The following TARS1 variants were observed in gnomAD, a reference collection of about 807,000 sequenced individuals.
TARS1 encodes the protein threonyl-tRNA synthetase 1.
A neutral mutation model predicts 97.7 loss-of-function variants in TARS1; 57 were observed. That is an observed-to-expected ratio of 0.58 (90% CI 0.47 to 0.73). TARS1 has a LOEUF of 0.73. Among genes scored for constraint, TARS1 ranks in the 30% least tolerant of loss-of-function variants. The pLI is 0.00. For missense variants in TARS1, 806 were observed against 888.3 expected (o/e 0.91, Z 1.18); for synonymous variants, 312 against 293.7 (o/e 1.06, Z -0.64).
rs747172275 is a variant in TARS1, at chr5:33,441,074, T to G, written c.-13T>G. 3.7e-6 allele frequency: 6 copies of G among 1,614,212 alleles called. No homozygotes were observed. Among genetic ancestry groups the G allele is most frequent in the Non-Finnish European group, 5.1e-6 (6 of 1,180,034 alleles). On this transcript the variant is annotated 5_prime_UTR_variant, in exon 1 of 19. Coordinates refer to ENST00000265112, the MANE Select transcript of TARS1 (RefSeq NM_152295.5). The stretch of plus-strand genomic sequence containing the variant: ...GTCGCTTTCGGGTTCTCTCATCGCT[T>G]CGTCGTTCGCCAATGTTTGAGGAGA...
Position 33,466,855 on chromosome 5 carries a change from A to G in TARS1, c.1909-16A>G. 1.9e-6 allele frequency: 3 copies of G among 1,556,768 alleles called. No individual in the cohort carries two copies. Among genetic ancestry groups the G allele is most frequent in the Admixed American group, 1.8e-5 (1 of 55,072 alleles). On this transcript the variant is annotated splice_polypyrimidine_tract_variant and intron_variant, in intron 17 of 18. Coordinates refer to ENST00000265112, the MANE Select transcript of TARS1 (RefSeq NM_152295.5). ...TGATTTTAGATCTGACAAATTCTGT[A>G]TCTCTGTTACAATAGGTACGACAAC...
chr5:33,446,246 T>C (rs1741407732), intron 2 of TARS1: 1 of 197,670 alleles, frequency 5.1e-6, no homozygotes, highest in African/African-American at 2.3e-5. Flanking sequence ...GATGATCAAG[T>C]GTAGTGTTGC....
At chr5:33,443,294 T>C (rs1050276913) in intron 1 of TARS1, among the ~76,000 whole-genome samples, 45 of 143,524 alleles carry the variant, frequency 3.1e-4, no homozygotes, top group Admixed American at 7.9e-4. Flanking sequence ...CAGAAAACCT[T>C]TGTGGTGATT....
intron 17 of TARS1, among the ~76,000 whole-genome samples, chr5:33,464,429 A>T (rs1350053721): frequency 1.3e-5 from 2 of 152,148 alleles, no homozygotes; most frequent in Non-Finnish European, 2.9e-5. Flanking sequence ...CCTCTCTACC[A>T]AAAAAACTAA....
At chr5:33,452,770 C>T (rs1579581908) in intron 3 of TARS1, among the ~76,000 whole-genome samples, 2 of 98,922 alleles carry the variant, frequency 2.0e-5, no homozygotes, top group African/African-American at 1.1e-4. Context: ...ATTTAGTAGG[C>T]CTTTTTTTTT....
intron 2 of TARS1, among the ~76,000 whole-genome samples, chr5:33,447,634 CGTT>C (rs3842066): frequency 0.21 from 32,646 of 151,986 alleles, 3,822 homozygotes; most frequent in East Asian, 0.5. Context: ...TGTATGGAGA[CGTT>C]GGTAGCATTA....
intron 3 of TARS1, 96 bp downstream of exon 3, chr5:33,448,827 G>T: frequency 9.7e-7 from 1 of 1,033,372 alleles, no homozygotes; most frequent in South Asian, 2.7e-5. Flanking sequence ...ATATTTTTAT[G>T]TTACCATTCA....
At chr5:33,467,455 A>C in intron 18 of TARS1, 105 bp from the exon 19 acceptor site, 7 of 1,255,284 alleles carry the variant, frequency 5.6e-6, no homozygotes, top group Non-Finnish European at 6.5e-6. Context: ...ATCAGAAGCT[A>C]TGGGGTAGGT....
At chr5:33,456,762 G>A (rs1166932394) in intron 8 of TARS1, among the ~76,000 whole-genome samples, 1 of 152,064 alleles carries the variant, frequency 6.6e-6, no homozygotes, top group Non-Finnish European at 1.5e-5. Flanking sequence ...GTATTGAGGG[G>A]TGGGCAGTTT....
chr5:33,464,136 C>CT (rs1742424056), intron 17 of TARS1, among the ~76,000 whole-genome samples: 1 of 152,202 alleles, frequency 6.6e-6, no homozygotes, highest in African/African-American at 2.4e-5. Context: ...ACTGTAACCT[C>CT]AAACTCCTGG....
At chr5:33,464,298 C>A (rs1488850038) in intron 17 of TARS1, among the ~76,000 whole-genome samples, 1 of 152,218 alleles carries the variant, frequency 6.6e-6, no homozygotes, top group African/African-American at 2.4e-5. Flanking sequence ...GGTAAATTCC[C>A]GTTCAAAATA....
intron 8 of TARS1, 57 bp from the exon 9 acceptor site, chr5:33,457,200 A>G (rs1396997877): frequency 3.0e-5 from 47 of 1,586,948 alleles, no homozygotes; most frequent in Non-Finnish European, 4.0e-5. Flanking sequence ...TGGGAGTTAA[A>G]ATAAGTGAGA....
intron 4 of TARS1, among the ~76,000 whole-genome samples, chr5:33,454,450 C>T (rs1018294819): frequency 6.6e-6 from 1 of 152,094 alleles, no homozygotes; most frequent in Non-Finnish European, 1.5e-5. Context: ...GATGTTTGTC[C>T]TCGTGTTTTG....
In TARS1 at chr5:33,462,135, T is replaced by C; in HGVS notation, c.1767T>C (p.Val589=). 1 of 1,613,274 alleles carries C rather than the reference T, an allele frequency of 6.2e-7. No homozygotes were observed. The highest frequency in any genetic ancestry group is 1.1e-5 in the South Asian group (1 of 90,990). ...DGDDKKRPVI[V]HRAILGSVER... ...ATGATAAGAAAAGGCCAGTGATTGT[T>C]CATCGAGCCATCTTGGGATCAGTGG... is the stretch of plus-strand genomic sequence containing the variant. The change falls in exon 16 of 19, where the codon GTT becomes GTC. Residue 589 remains valine (V), a synonymous_variant. Coordinates refer to ENST00000265112, the MANE Select transcript of TARS1 (RefSeq NM_152295.5).
At chr5:33,453,978 C>G (rs1189372607) in intron 4 of TARS1, among the ~76,000 whole-genome samples, 1 of 152,124 alleles carries the variant, frequency 6.6e-6, no homozygotes, top group Non-Finnish European at 1.5e-5. Flanking sequence ...CCTCGGCCCC[C>G]CAAAGTGCTG....
intron 15 of TARS1, 45 bp from the exon 16 acceptor site, chr5:33,462,054 G>A (rs746704844): frequency 4.4e-6 from 7 of 1,598,544 alleles, no homozygotes; most frequent in Non-Finnish European, 5.1e-6. Flanking sequence ...ATATATAAGA[G>A]AAAATATATA....
At chr5:33,450,911 T>G (rs1311833285) in intron 3 of TARS1, among the ~76,000 whole-genome samples, 1 of 152,154 alleles carries the variant, frequency 6.6e-6, no homozygotes, top group Non-Finnish European at 1.5e-5. Context: ...GGTCAGGAGT[T>G]CAAGACCAGC....
intron 17 of TARS1, among the ~76,000 whole-genome samples, chr5:33,464,710 G>T (rs546473315): frequency 2.6e-5 from 4 of 152,244 alleles, no homozygotes; most frequent in African/African-American, 9.6e-5. Context: ...AGGGTTCAGG[G>T]TGTGATGATT....
chr5:33,456,064 T>C lies in TARS1; in HGVS notation c.756T>C (p.Tyr252=), dbSNP rs1742004838. Residue 252 remains tyrosine, a splice_region_variant and synonymous_variant, in exon 7 of 19, where the codon TAT becomes TAC. Transcript: ENST00000265112. The part of the protein sequence containing the change: ...EKVNTPTTTV[Y]RCGPLIDLCR... Reference sequence around the variant, plus strand: ...TGAATACTCCAACTACCACAGTCTATAGGTAAGAATATTAGATGTCATTAA... The same window carrying C: ...TGAATACTCCAACTACCACAGTCTACAGGTAAGAATATTAGATGTCATTAA... 2 of 1,613,466 alleles carry C rather than the reference T, an allele frequency of 1.2e-6. No homozygotes were observed. Among genetic ancestry groups the C allele is most frequent in the Non-Finnish European group, 8.5e-7 (1 of 1,179,584 alleles).
Sources: allele counts gnomAD v4.1 joint callset (sites outside exome capture counted in the v4.1 genomes callset), GRCh38; gene constraint gnomAD v4.1.1; transcripts MANE v1.5; gene names NCBI Gene and HGNC (gene_info 2026-07-23, HGNC 2026-07-21).